Variants in CDK12 observed in about 807,000 individuals in gnomAD.
CDK12 encodes the protein cyclin dependent kinase 12, also known as cyclin-dependent kinase 12.
Under a neutral mutation model 133.8 loss-of-function variants are expected in CDK12, and 17 were observed. The observed-to-expected ratio is 0.13, with a 90% confidence interval of 0.09 to 0.19. The LOEUF (loss-of-function observed/expected upper bound fraction) is 0.19, where lower values mean the gene tolerates loss of function less well. Among genes scored for constraint, CDK12 ranks in the 10% least tolerant of loss-of-function variants. The pLI is 1.00. For missense variants in CDK12, 1,508 were observed against 1,818.7 expected (o/e 0.83, Z 3.11); for synonymous variants, 694 against 683.6 (o/e 1.02, Z -0.24).
At chr17:39,536,391 ACTAACCATACTTTCTTATTGCTAGGAG>A (rs1312007025), downstream of CDK12, among the ~76,000 whole-genome samples, 5 of 152,312 alleles carry the variant, frequency 3.3e-5, no homozygotes, top group African/African-American at 1.2e-4. Context: ...GAGAAAGTAA[ACTAACCATACTTTCTTATTGCTAGGAG>A]CTATGAAAGG....
At chr17:39,515,949 A>G (rs1598135250) in intron 9 of CDK12, 141 bp downstream of exon 9, 5 of 555,146 alleles carry the variant, frequency 9.0e-6, no homozygotes, top group East Asian at 3.0e-5. Context: ...CAGGTTTACC[A>G]TATATTTTGT....
intron 1 of CDK12, among the ~76,000 whole-genome samples, chr17:39,466,868 C>A (rs1298777282): frequency 6.6e-6 from 1 of 151,916 alleles, no homozygotes; most frequent in Non-Finnish European, 1.5e-5. Context: ...CTAAACAGTA[C>A]AAAAATTTTG....
chr17:39,529,042 C>T (rs534614121), intron 13 of CDK12, among the ~76,000 whole-genome samples: 3 of 152,172 alleles, frequency 2.0e-5, no homozygotes, highest in South Asian at 2.1e-4. Flanking sequence ...ATTCATTTTC[C>T]CCTGCCACCC....
chr17:39,467,469 T>C (rs1341413165), intron 1 of CDK12, among the ~76,000 whole-genome samples: 1 of 152,206 alleles, frequency 6.6e-6, no homozygotes, highest in Non-Finnish European at 1.5e-5. Context: ...CTATTTGTTG[T>C]CTACTCCTCC....
chr17:39,495,238 G>A (rs2051982767), intron 5 of CDK12, among the ~76,000 whole-genome samples: 2 of 151,484 alleles, frequency 1.3e-5, no homozygotes, highest in African/African-American at 4.9e-5. Flanking sequence ...CCATCATTCC[G>A]GGCTTATTTT....
Position 39,471,357 on chromosome 17 carries a change from A to C in CDK12, c.1525A>C (p.Lys509Gln). Reference protein sequence around the residue: ...GTRDSKPIALKEEIVTPKETE... With the variant: ...GTRDSKPIALQEEIVTPKETE... ...AAGAGACTCTAAACCCATAGCACTG[A>C]AAGAGGAGATTGTTACTCCAAAGGA... Residue 509 changes from lysine (K) to glutamine (Q), a missense_variant, in exon 2 of 14, where the codon AAA (lysine) becomes CAA (glutamine). Physicochemically the swap from Lys to Gln is moderately conservative, Grantham distance 53 (BLOSUM62 1). This residue lies in a region of CDK12 where 347 missense variants were observed against 330.8 expected (regional missense o/e 1.05). Coordinates refer to ENST00000447079, the MANE Select transcript of CDK12 (RefSeq NM_016507.4). The C allele has an allele frequency of 6.2e-7, 1 of 1,614,104 alleles. No individual in the cohort carries two copies. The highest frequency in any genetic ancestry group is 1.3e-5 in the African/African-American group (1 of 75,010).
chr17:39,463,841 G>A (rs959220238), intron 1 of CDK12, among the ~76,000 whole-genome samples: 2 of 151,782 alleles, frequency 1.3e-5, no homozygotes, highest in African/African-American at 2.4e-5. Context: ...ATTTTTGCGA[G>A]AAAGGCATGC....
chr17:39,488,049 T>C (rs1216639251), intron 2 of CDK12, among the ~76,000 whole-genome samples: 1 of 151,966 alleles, frequency 6.6e-6, no homozygotes, highest in African/African-American at 2.4e-5. Flanking sequence ...GCCTGGGCAA[T>C]ATGGCAAGAC....
In CDK12 at chr17:39,531,485, AAAT is replaced by A. The variant is rs1472175812; in HGVS notation, c.*173_*175del. The A allele has an allele frequency of 1.8e-6, 1 of 552,824 alleles. No individual in the cohort carries two copies. Among genetic ancestry groups the A allele is most frequent in the South Asian group, 6.8e-5 (1 of 14,758 alleles). The allele number at this position is 552,824 out of a possible 1,614,324, so 34.2% of individuals were successfully genotyped here. A position where few individuals can be genotyped will look rare whatever the true frequency, so the allele number is the denominator to read the frequency against. On this transcript the variant is annotated 3_prime_UTR_variant, in exon 14 of 14. Transcript: ENST00000447079. ...ACTTGCTACTAGCAGGCGACTTACG[AAAT>A]AATGATGTTGGCACCAGTTCCCCCT...
downstream of CDK12, among the ~76,000 whole-genome samples, chr17:39,537,643 G>T (rs568722596): frequency 6.6e-5 from 10 of 151,178 alleles, no homozygotes; most frequent in South Asian, 1.5e-3. Context: ...GCTCACTGCA[G>T]CCTCCACCTC....
In CDK12 at chr17:39,527,726, T is replaced by A. The variant is rs150250438; in HGVS notation, c.3760+1410T>A. 1.1e-3 allele frequency among the ~76,000 whole-genome samples: 174 copies of A among 152,114 alleles called. 5 individuals carry two copies. The East Asian group carries it at 0.03, about 26-fold the overall frequency. ...CCATGTCCAGCTAATTTTGTATTTT[T>A]AGTGGAAACGAGGTTTCACCATGTT... On this transcript the variant is annotated intron_variant, in intron 13 of 13. Coordinates refer to ENST00000447079, the MANE Select transcript of CDK12 (RefSeq NM_016507.4).
intron 2 of CDK12, among the ~76,000 whole-genome samples, chr17:39,489,934 C>T (rs911174231): frequency 2.6e-4 from 39 of 151,320 alleles, no homozygotes; most frequent in African/African-American, 9.2e-4. Flanking sequence ...GCCACCATGC[C>T]CAGGTGAATT....
chr17:39,473,317 G>A (rs2049943916), intron 2 of CDK12, among the ~76,000 whole-genome samples: 1 of 152,092 alleles, frequency 6.6e-6, no homozygotes, highest in South Asian at 2.1e-4. Context: ...AATATGTAAA[G>A]TATTTGCTAA....
intron 12 of CDK12, among the ~76,000 whole-genome samples, chr17:39,525,433 A>T (rs767091088): frequency 2.6e-5 from 4 of 152,224 alleles, no homozygotes; most frequent in Admixed American, 2.0e-4. Context: ...CTCTTCACTT[A>T]TAGCAGTGGC....
At position 39,533,677 on chromosome 17, in the gene CDK12, G is replaced by GT. The variant is rs1400061838; in HGVS notation, c.*2362dup. ...TCCCTCATCCCTACTAGGGAAGGGG[G>GT]TGAGTGTATGTGTGAGTGTATGTGT... is the stretch of plus-strand genomic sequence containing the variant. On this transcript the variant is annotated 3_prime_UTR_variant, in exon 14 of 14. Coordinates refer to ENST00000447079, the MANE Select transcript of CDK12 (RefSeq NM_016507.4). 4 of 232,764 alleles carry GT rather than the reference G, an allele frequency of 1.7e-5. No homozygotes were observed. The highest frequency in any genetic ancestry group is 3.4e-5 in the Non-Finnish European group (4 of 117,830). The allele number at this position is 232,764 out of a possible 1,614,324, so 14.4% of individuals were successfully genotyped here. A position where few individuals can be genotyped will look rare whatever the true frequency, so the allele number is the denominator to read the frequency against.
At chr17:39,509,881 G>GC in intron 7 of CDK12, 120 bp downstream of exon 7, 1 of 740,722 alleles carries the variant, frequency 1.4e-6, no homozygotes, top group Non-Finnish European at 2.4e-6. Flanking sequence ...GCTCGCTGCA[G>GC]CCTCAACCTC....
At chr17:39,490,798 C>G in intron 3 of CDK12, 65 bp downstream of exon 3, 6 of 1,249,604 alleles carry the variant, frequency 4.8e-6, no homozygotes, top group Non-Finnish European at 6.7e-6. Context: ...CTAAATCTCT[C>G]ATGTTTCTTC....
chr17:39,488,780 G>A (rs1000019154), intron 2 of CDK12, among the ~76,000 whole-genome samples: 26 of 152,004 alleles, frequency 1.7e-4, no homozygotes, highest in African/African-American at 6.0e-4. Context: ...AGACAGAGCT[G>A]CCCTTTGTTG....
intron 12 of CDK12, among the ~76,000 whole-genome samples, chr17:39,525,640 T>C (rs2146707505): frequency 6.6e-6 from 1 of 152,360 alleles, no homozygotes; most frequent in South Asian, 2.1e-4. Context: ...GAAGTCACTT[T>C]TATGCACAAT....
Sources: allele counts gnomAD v4.1 joint callset (sites outside exome capture counted in the v4.1 genomes callset), GRCh38; gene constraint gnomAD v4.1.1; regional missense constraint gnomAD v4.1.1; transcripts MANE v1.5; gene names NCBI Gene and HGNC (gene_info 2026-07-23, HGNC 2026-07-21).